PLCB1: variants seen among roughly 807,000 people sequenced by gnomAD.
The protein encoded by PLCB1 is phospholipase C beta 1.
Under a neutral mutation model 161.8 loss-of-function variants are expected in PLCB1, and 46 were observed. The observed-to-expected ratio is 0.28, with a 90% CI of 0.22 to 0.36. PLCB1 has a LOEUF of 0.36. Among genes scored for constraint, PLCB1 ranks in the 10% least tolerant of loss-of-function variants. The probability of loss-of-function intolerance (pLI) is 1.00; values close to 1 mark genes in which losing one functional copy is unlikely to be tolerated. For missense variants in PLCB1, 1,016 were observed against 1,472.5 expected (o/e 0.69, Z 5.07); for synonymous variants, 517 against 503.7 (o/e 1.03, Z -0.35).
intron 2 of PLCB1, among the ~76,000 whole-genome samples, chr20:8,248,551 C>T (rs780509332): frequency 8.6e-5 from 13 of 151,940 alleles, no homozygotes; most frequent in African/African-American, 1.2e-4. Context: ...GTATCTGCTA[C>T]GTCCTCTTGG....
At chr20:8,664,019 C>A (rs1989750372) in intron 9 of PLCB1, among the ~76,000 whole-genome samples, 1 of 152,106 alleles carries the variant, frequency 6.6e-6, no homozygotes, top group Admixed American at 6.6e-5. Flanking sequence ...ACTGATATAT[C>A]TATAAATGAA....
chr20:8,314,017 T>A (rs1280831658), intron 2 of PLCB1, among the ~76,000 whole-genome samples: 1 of 152,226 alleles, frequency 6.6e-6, no homozygotes, highest in Admixed American at 6.5e-5. Context: ...GCTTATTGTA[T>A]AGTAAGAGTT....
chr20:8,525,163 A>G (rs1984531448), intron 3 of PLCB1, among the ~76,000 whole-genome samples: 1 of 152,170 alleles, frequency 6.6e-6, no homozygotes, highest in Non-Finnish European at 1.5e-5. Context: ...AGGGGGAAAA[A>G]AAAAGTAATT....
At chr20:8,338,495 T>A (rs1600326156) in intron 2 of PLCB1, among the ~76,000 whole-genome samples, 1 of 152,300 alleles carries the variant, frequency 6.6e-6, no homozygotes, top group South Asian at 2.1e-4. Context: ...TTCCATCTTG[T>A]GATGTTGATG....
chr20:8,390,926 A>G (rs1394137255), intron 3 of PLCB1, among the ~76,000 whole-genome samples: 1 of 151,708 alleles, frequency 6.6e-6, no homozygotes, highest in East Asian at 1.9e-4. Flanking sequence ...CCATGTTTAT[A>G]TCATCTAGTT....
rs1387935607 is a variant in PLCB1, at chr20:8,391,832, C to CATAT, written c.246+20391_246+20394dup. ...ATATATATATATATATATACACACA[C>CATAT]ATATATATATATTACTTGAACTTCC... is the stretch of plus-strand genomic sequence containing the variant. On this transcript the variant is annotated intron_variant, in intron 3 of 31. Transcript: ENST00000338037. Among the ~76,000 whole-genome samples the CATAT allele has an allele frequency of 4.7e-4, 61 of 129,970 alleles. 2 individuals are homozygous for CATAT. Among genetic ancestry groups the CATAT allele is most frequent in the South Asian group, 5.0e-4 (2 of 4,018 alleles). The allele number at this position is 129,970 out of a possible 152,430, so 85.3% of individuals were successfully genotyped here.
rs991822645 is a variant in PLCB1, at chr20:8,340,526, C to A, written c.178-30856C>A. On this transcript the variant is annotated intron_variant, in intron 2 of 31. Coordinates refer to ENST00000338037, the MANE Select transcript of PLCB1 (RefSeq NM_015192.4). ...CAAGCTCCGCCTCCCGGGTTCACGC[C>A]ATTCTCCTGCCTCAGCCTCCCGCGT... is the stretch of plus-strand genomic sequence containing the variant. Among the ~76,000 whole-genome samples, 7 of 151,974 alleles carry A rather than the reference C, an allele frequency of 4.6e-5. No individual in the cohort carries two copies. The East Asian group carries it at 1.4e-3, about 29-fold the overall frequency.
At chr20:8,642,912 A>G (rs927340258) in intron 4 of PLCB1, among the ~76,000 whole-genome samples, 17 of 152,250 alleles carry the variant, frequency 1.1e-4, no homozygotes, top group African/African-American at 3.9e-4. Flanking sequence ...AAGCTTGGCC[A>G]TGAGCCTACA....
At chr20:8,276,903 G>C (rs771279868) in intron 2 of PLCB1, among the ~76,000 whole-genome samples, 3 of 149,322 alleles carry the variant, frequency 2.0e-5, no homozygotes, top group Non-Finnish European at 4.5e-5. Flanking sequence ...CCCCACTCTT[G>C]GGTAGCTTCT....
intron 3 of PLCB1, among the ~76,000 whole-genome samples, chr20:8,556,679 G>T (rs1289559351): frequency 6.6e-6 from 1 of 151,126 alleles, no homozygotes; most frequent in Non-Finnish European, 1.5e-5. Context: ...GTGTGTGTGT[G>T]TGTGTGTGTG....
Position 8,658,695 on chromosome 20 carries a change from G to A in PLCB1, c.853G>A (p.Ala285Thr), listed in dbSNP as rs776416226. The A allele has an allele frequency of 8.1e-6, 13 of 1,601,950 alleles. No homozygotes were observed. Among genetic ancestry groups the A allele is most frequent in the East Asian group, 2.2e-5 (1 of 44,628 alleles). ...IEKYEPNNSL[A>T]RKGQISVDGF... Reference sequence around the variant, plus strand: ...GAAGTATGAACCCAACAACAGCCTCGCCAGAAAAGGTCAGTACTTTCTTTC... The same window carrying A: ...GAAGTATGAACCCAACAACAGCCTCACCAGAAAAGGTCAGTACTTTCTTTC... The change falls in exon 9 of 32, where the codon GCC becomes ACC. Residue 285 changes from alanine to threonine, a missense_variant. This residue lies in a region of PLCB1 where 117 missense variants were observed against 142.2 expected (regional missense o/e 0.82). Coordinates refer to ENST00000338037, the MANE Select transcript of PLCB1 (RefSeq NM_015192.4).
intron 3 of PLCB1, among the ~76,000 whole-genome samples, chr20:8,576,860 T>C (rs1986686445): frequency 6.6e-6 from 1 of 152,224 alleles, no homozygotes; most frequent in East Asian, 1.9e-4. Flanking sequence ...CAATAATTCA[T>C]ACATTACCTA....
intron 3 of PLCB1, among the ~76,000 whole-genome samples, chr20:8,495,519 T>TCC (rs1235348551): frequency 6.6e-6 from 1 of 151,260 alleles, no homozygotes; most frequent in Non-Finnish European, 1.5e-5. Context: ...TGCCTCAGCT[T>TCC]CCTGAGTAGC....
At chr20:8,474,267 G>A (rs1982174853) in intron 3 of PLCB1, among the ~76,000 whole-genome samples, 1 of 152,178 alleles carries the variant, frequency 6.6e-6, no homozygotes, top group South Asian at 2.1e-4. Context: ...ATGGCAGGTA[G>A]AGTTTCATGC....
intron 2 of PLCB1, among the ~76,000 whole-genome samples, chr20:8,324,040 T>G (rs967319233): frequency 6.6e-6 from 1 of 152,116 alleles, no homozygotes; most frequent in Non-Finnish European, 1.5e-5. Context: ...GAAAAACATA[T>G]GTACTATTGC....
intron 3 of PLCB1, among the ~76,000 whole-genome samples, chr20:8,573,281 A>G (rs1165212525): frequency 6.6e-6 from 1 of 152,176 alleles, no homozygotes; most frequent in Non-Finnish European, 1.5e-5. Context: ...AAAAAGGAGG[A>G]CAAACATTCA....
chr20:8,302,253 C>T (rs1983942383), intron 2 of PLCB1, among the ~76,000 whole-genome samples: 2 of 152,208 alleles, frequency 1.3e-5, no homozygotes, highest in African/African-American at 4.8e-5. Flanking sequence ...CTTCAGTGAA[C>T]AGTTGTTAGT....
At chr20:8,461,416 AG>A (rs1291859962) in intron 3 of PLCB1, among the ~76,000 whole-genome samples, 2 of 152,148 alleles carry the variant, frequency 1.3e-5, no homozygotes, top group Non-Finnish European at 2.9e-5. Flanking sequence ...AATCCCTCTA[AG>A]CATCAATTTC....
chr20:8,361,391 A>G (rs1225931991), intron 2 of PLCB1, among the ~76,000 whole-genome samples: 2 of 152,106 alleles, frequency 1.3e-5, no homozygotes, highest in Admixed American at 6.6e-5. Context: ...GTGGGCAGCC[A>G]TTGTCTTCAT....
Sources: gnomAD v4.1 joint callset for allele counts (sites outside exome capture counted in the v4.1 genomes callset) on GRCh38, gnomAD v4.1.1 for gene constraint, gnomAD v4.1.1 regional missense constraint, MANE v1.5 for transcripts, NCBI Gene and HGNC (gene_info 2026-07-23, HGNC 2026-07-21) for gene names.